CNBD1: variants seen among roughly 807,000 people sequenced by gnomAD.
CNBD1 encodes cyclic nucleotide-binding domain-containing protein 1.
CNBD1 carries 71 observed loss-of-function variants against 54.4 expected under a neutral mutation model. The observed-to-expected ratio is 1.30, with a 90% CI of 1.08 to 1.59. CNBD1 has a LOEUF of 1.59. CNBD1 is among the 40% of genes most tolerant of loss of function. The pLI, the probability that CNBD1 is intolerant of heterozygous loss-of-function variation, is 0.00. For synonymous variants in CNBD1, 182 were observed against 170.7 expected, an observed-to-expected ratio of 1.07 and a Z score of -0.51; for missense variants, 659 against 518.0, an observed-to-expected ratio of 1.27 and a Z score of -2.64.
intron 3 of CNBD1, among the ~76,000 whole-genome samples, chr8:86,932,340 T>C (rs1391909649): frequency 1.3e-5 from 2 of 152,088 alleles, no homozygotes; most frequent in East Asian, 3.9e-4. Context: ...CCCTACAGCT[T>C]GAAGGGGACA....
intron 4 of CNBD1, among the ~76,000 whole-genome samples, chr8:87,014,174 G>A (rs1322036071): frequency 6.6e-6 from 1 of 151,136 alleles, no homozygotes; most frequent in Non-Finnish European, 1.5e-5. Flanking sequence ...GTAGTCAAAT[G>A]TTTTTTCAAG....
chr8:86,979,840 T>C (rs1416977294), intron 4 of CNBD1, among the ~76,000 whole-genome samples: 2 of 152,176 alleles, frequency 1.3e-5, no homozygotes, highest in African/African-American at 4.8e-5. Context: ...TTAAATGCTG[T>C]TTTATGAAGA....
chr8:87,172,601 A>C (rs1350183018), intron 4 of CNBD1, among the ~76,000 whole-genome samples: 4 of 151,848 alleles, frequency 2.6e-5, no homozygotes, highest in African/African-American at 9.7e-5. Context: ...ATTCTTGCTG[A>C]ATTGACCTGT....
intron 10 of CNBD1, among the ~76,000 whole-genome samples, chr8:87,374,283 TC>T (rs1490173359): frequency 6.6e-6 from 1 of 151,846 alleles, no homozygotes; most frequent in Admixed American, 6.6e-5. Context: ...TGATATCAAA[TC>T]CTTGTGGATT....
chr8:87,254,384 G>A (rs1807970404), intron 6 of CNBD1, among the ~76,000 whole-genome samples: 1 of 152,164 alleles, frequency 6.6e-6, no homozygotes, highest in Non-Finnish European at 1.5e-5. Flanking sequence ...AAGCATTTCT[G>A]TTTAATAGTC....
At chr8:87,269,508 G>T (rs560297813) in intron 6 of CNBD1, among the ~76,000 whole-genome samples, 10 of 152,184 alleles carry the variant, frequency 6.6e-5, no homozygotes, top group African/African-American at 1.9e-4. Context: ...ATTGCTTTGG[G>T]CCGTATGGCC....
intron 4 of CNBD1, among the ~76,000 whole-genome samples, chr8:87,041,307 G>A (rs964580070): frequency 6.6e-6 from 1 of 152,126 alleles, no homozygotes; most frequent in Non-Finnish European, 1.5e-5. Flanking sequence ...GGATATCCCT[G>A]AGCAATGTGA....
intron 8 of CNBD1, among the ~76,000 whole-genome samples, chr8:87,301,321 A>G (rs1808984985): frequency 6.6e-6 from 1 of 152,138 alleles, no homozygotes; most frequent in Non-Finnish European, 1.5e-5. Flanking sequence ...ATAGAGAAAG[A>G]AAGAACCCTC....
At chr8:86,899,837 T>G (rs555566831) in intron 2 of CNBD1, among the ~76,000 whole-genome samples, 2 of 152,190 alleles carry the variant, frequency 1.3e-5, no homozygotes, top group African/African-American at 2.4e-5. Flanking sequence ...CAAGCTAAGC[T>G]ACTCCATTCT....
intron 3 of CNBD1, among the ~76,000 whole-genome samples, chr8:86,923,502 C>T (rs1809309803): frequency 6.6e-6 from 1 of 152,090 alleles, no homozygotes; most frequent in African/African-American, 2.4e-5. Flanking sequence ...AGGGTCCCTG[C>T]CCCTAGACCC....
At chr8:87,211,926 T>G (rs1814107663) in intron 5 of CNBD1, among the ~76,000 whole-genome samples, 1 of 152,192 alleles carries the variant, frequency 6.6e-6, no homozygotes, top group South Asian at 2.1e-4. Context: ...GAAGGATAAC[T>G]TGAAGAAGGA....
At position 86,897,962 on chromosome 8, in the gene CNBD1, T is replaced by C. The variant is rs370736864; in HGVS notation, c.159-7119T>C. On this transcript the variant is annotated intron_variant, in intron 2 of 10. Coordinates refer to ENST00000518476, the MANE Select transcript of CNBD1 (RefSeq NM_173538.3). ...TGAGATAGAAAAAAATGAAACAACT[T>C]TAGTGTTCATCATTAGGGGAATAGT... Among the ~76,000 whole-genome samples, 5 of 152,074 alleles carry C rather than the reference T, an allele frequency of 3.3e-5. No homozygotes were observed. The East Asian group carries it at 9.6e-4, about 29-fold the overall frequency.
chr8:87,035,446 A>G (rs1450095455), intron 4 of CNBD1, among the ~76,000 whole-genome samples: 2 of 152,240 alleles, frequency 1.3e-5, no homozygotes, highest in Admixed American at 1.3e-4. Flanking sequence ...AATAGTTTAA[A>G]TAACAAACTT....
intron 4 of CNBD1, among the ~76,000 whole-genome samples, chr8:87,204,634 C>G (rs1813930822): frequency 1.3e-5 from 2 of 152,120 alleles, no homozygotes; most frequent in South Asian, 4.1e-4. Flanking sequence ...CTCTTTCCAG[C>G]TACTTTCTAT....
intron 4 of CNBD1, among the ~76,000 whole-genome samples, chr8:86,943,055 A>G (rs547529300): frequency 6.6e-6 from 1 of 152,064 alleles, no homozygotes; most frequent in East Asian, 1.9e-4. Context: ...CTAAAATTAA[A>G]AAAAAAAAAA....
intron 4 of CNBD1, among the ~76,000 whole-genome samples, chr8:87,034,276 G>T (rs1199400687): frequency 6.6e-6 from 1 of 152,112 alleles, no homozygotes; most frequent in Non-Finnish European, 1.5e-5. Context: ...TATCATTCAA[G>T]GTTTATGGTA....
intron 8 of CNBD1, among the ~76,000 whole-genome samples, chr8:87,335,327 G>C (rs1809922311): frequency 6.6e-6 from 1 of 152,138 alleles, no homozygotes; most frequent in Non-Finnish European, 1.5e-5. Flanking sequence ...TACTATTACT[G>C]TGTGGGAGAC....
intron 4 of CNBD1, among the ~76,000 whole-genome samples, chr8:87,158,055 T>C (rs888990691): frequency 1.3e-5 from 2 of 152,136 alleles, no homozygotes; most frequent in African/African-American, 4.8e-5. Flanking sequence ...ATGTTTAGTA[T>C]ATATTCATGA....
At chr8:87,385,107 TA>T (rs1811155949), downstream of CNBD1, among the ~76,000 whole-genome samples, 1 of 151,956 alleles carries the variant, frequency 6.6e-6, no homozygotes, top group Non-Finnish European at 1.5e-5. Context: ...GGGAGGGCAT[TA>T]AAAAGTCCAT....
Sources: allele counts gnomAD v4.1 joint callset (sites outside exome capture counted in the v4.1 genomes callset), GRCh38; gene constraint gnomAD v4.1.1; transcripts MANE v1.5; gene names NCBI Gene and HGNC (gene_info 2026-07-23, HGNC 2026-07-21).